PSMD1: variants seen among roughly 807,000 people sequenced by gnomAD.
PSMD1 encodes proteasome 26S subunit, non-ATPase 1, also known as 26S proteasome non-ATPase regulatory subunit 1.
PSMD1 carries 18 observed loss-of-function variants against 119.0 expected under a neutral mutation model. The observed-to-expected ratio is 0.15, with a 90% CI of 0.10 to 0.22. The LOEUF is 0.22. Among genes scored for constraint, PSMD1 ranks in the 10% least tolerant of loss-of-function variants. The pLI is 1.00. For synonymous variants in PSMD1, 374 were observed against 396.6 expected, an observed-to-expected ratio of 0.94 and a Z score of 0.68; for missense variants, 702 against 1,158.5, an observed-to-expected ratio of 0.61 and a Z score of 5.72.
chr2:231,105,060 T>C (rs1268861406), intron 16 of PSMD1, among the ~76,000 whole-genome samples: 1 of 152,198 alleles, frequency 6.6e-6, no homozygotes, highest in Non-Finnish European at 1.5e-5. Flanking sequence ...AACACATATT[T>C]GTAGTTCAAC....
chr2:231,078,865 G>A, intron 10 of PSMD1, 118 bp downstream of exon 10: 1 of 638,002 alleles, frequency 1.6e-6, no homozygotes, highest in Non-Finnish European at 2.5e-6. Flanking sequence ...TGCGATCTCG[G>A]CTCACTGCAA....
chr2:231,156,608 T>C (rs1696512513), intron 19 of PSMD1, among the ~76,000 whole-genome samples: 1 of 152,132 alleles, frequency 6.6e-6, no homozygotes, highest in Non-Finnish European at 1.5e-5. Flanking sequence ...TTTTATAATA[T>C]CCTCTTACTT....
rs1260890132 is a variant in PSMD1, at chr2:231,066,944, A to G, written c.343A>G (p.Asn115Asp). 2 of 1,612,468 alleles carry G rather than the reference A, an allele frequency of 1.2e-6. No homozygotes were observed. Residue 115 changes from asparagine (N) to aspartate (D), a missense_variant, in exon 5 of 25, where the codon AAT (asparagine) becomes GAT (aspartate). Transcript: ENST00000308696. ...TCACTACACCAAACAATGTGTGGAA[A>G]ATGCAGATTTGCCTGAAGGAGAAAA... Reference protein sequence around the residue: ...IDHYTKQCVENADLPEGEKKP... With the variant: ...IDHYTKQCVEDADLPEGEKKP...
At chr2:231,129,332 T>C (rs113227622) in intron 16 of PSMD1, among the ~76,000 whole-genome samples, 1 of 152,216 alleles carries the variant, frequency 6.6e-6, no homozygotes, top group Non-Finnish European at 1.5e-5. Context: ...ACTTTGAATA[T>C]TACAGATTTC....
At chr2:231,099,098 A>G (rs933217802) in intron 16 of PSMD1, among the ~76,000 whole-genome samples, 2 of 152,152 alleles carry the variant, frequency 1.3e-5, no homozygotes, top group African/African-American at 4.8e-5. Context: ...GGAATTTGGA[A>G]TGGGATCTGA....
intron 22 of PSMD1, 39 bp downstream of exon 22, chr2:231,165,325 CT>C: frequency 6.5e-7 from 1 of 1,531,666 alleles, no homozygotes; most frequent in Non-Finnish European, 8.8e-7. Context: ...TGAAGTATCT[CT>C]GTCTCTGTCA....
intron 24 of PSMD1, among the ~76,000 whole-genome samples, chr2:231,171,847 C>T (rs773258132): frequency 1.1e-4 from 16 of 152,038 alleles, no homozygotes; most frequent in African/African-American, 2.4e-4. Context: ...TGAGCCACCA[C>T]GCCCGGCCAA....
rs16827799 is a variant in PSMD1 at position 231,114,359 on chromosome 2, G to A, written c.1884-24377G>A. ...TAGAGGAAACAGTATGACAAAAAGC[G>A]TATTAGAATGGGAGTCTCTGTGACA... is the stretch of plus-strand genomic sequence containing the variant. On this transcript the variant is annotated intron_variant, in intron 16 of 24. Coordinates refer to ENST00000308696, the MANE Select transcript of PSMD1 (RefSeq NM_002807.4). Among the ~76,000 whole-genome samples the A allele has an allele frequency of 9.3e-3, 1,418 of 152,284 alleles. 29 individuals carry two copies. Among genetic ancestry groups the A allele is most frequent in the African/African-American group, 0.032 (1,324 of 41,562 alleles).
intron 18 of PSMD1, among the ~76,000 whole-genome samples, chr2:231,148,515 C>T (rs1391431274): frequency 6.6e-6 from 1 of 152,182 alleles, no homozygotes; most frequent in African/African-American, 2.4e-5. Flanking sequence ...GGCACACTCC[C>T]ATCTTCAGGT....
chr2:231,057,030 T>A lies in PSMD1; in HGVS notation c.5T>A (p.Ile2Asn). The change falls in exon 1 of 25, where the codon ATC becomes AAC. Residue 2 changes from isoleucine to asparagine, a missense_variant. By Grantham distance (149) the Ile-to-Asn change is moderately radical. This residue lies in a region of PSMD1 where 60 missense variants were observed against 118.2 expected (regional missense o/e 0.51). Coordinates refer to ENST00000308696, the MANE Select transcript of PSMD1 (RefSeq NM_002807.4). M[I>N]TSAAGIISLL... ...GGGCGAGTGAGGGGCGCAGCCATGA[T>A]CACCTCGGCCGGTGAGTGCGGCCCG... The A allele has an allele frequency of 6.5e-7, 1 of 1,535,498 alleles. No homozygotes were observed. Among genetic ancestry groups the A allele is most frequent in the Non-Finnish European group, 8.8e-7 (1 of 1,142,628 alleles).
At chr2:231,108,605 A>G in intron 16 of PSMD1, 1 of 1,614,014 alleles carries the variant, frequency 6.2e-7, no homozygotes, top group Non-Finnish European at 8.5e-7. Flanking sequence ...TGAAGACTGA[A>G]TGGTTGAACT....
At chr2:231,168,691 G>A (rs994947712) in intron 23 of PSMD1, among the ~76,000 whole-genome samples, 1 of 152,184 alleles carries the variant, frequency 6.6e-6, no homozygotes, top group African/African-American at 2.4e-5. Context: ...GTTTCTTTAG[G>A]TTGATGCAGA....
intron 16 of PSMD1, chr2:231,123,524 G>A (rs2125233060): frequency 6.2e-7 from 1 of 1,614,058 alleles, no homozygotes; most frequent in South Asian, 1.1e-5. Flanking sequence ...TTCTTCTCCA[G>A]TGAAACAGCC....
At chr2:231,150,070 G>A (rs902397072) in intron 18 of PSMD1, among the ~76,000 whole-genome samples, 1 of 152,204 alleles carries the variant, frequency 6.6e-6, no homozygotes, top group African/African-American at 2.4e-5. Flanking sequence ...TATAGGCCAG[G>A]CGCAGTGGCT....
rs144524204 is a variant in PSMD1 at position 231,061,175 on chromosome 2, G to A, written c.17-92G>A. 570 of 970,768 alleles carry A rather than the reference G, an allele frequency of 5.9e-4. 1 individual carries two copies. The Middle Eastern group carries it at 6.2e-3, about 11-fold the overall frequency. The allele number at this position is 970,768 out of a possible 1,614,324, so 60.1% of individuals were successfully genotyped here. On this transcript the variant is annotated intron_variant, in intron 1 of 24. Transcript: ENST00000308696. ...GGAGAAGTTACGCCTCAAAAAAATT[G>A]TTTTTCAGCCATCATGTATTTTTGA...
intron 23 of PSMD1, among the ~76,000 whole-genome samples, chr2:231,167,580 A>G (rs1696817810): frequency 6.6e-6 from 1 of 152,196 alleles, no homozygotes; most frequent in African/African-American, 2.4e-5. Context: ...ACACACACAC[A>G]CACTCCTTCA....
At position 231,071,615 on chromosome 2, in the gene PSMD1, A is replaced by G. The variant is rs146124180; in HGVS notation, c.655-574A>G. ...TCTTAATTTATAATAACTTTGATTA[A>G]TGTGTTTATTTTGAAGTTGAGTTAC... On this transcript the variant is annotated intron_variant, in intron 6 of 24. Transcript: ENST00000308696. Among the ~76,000 whole-genome samples, 134 of 152,208 alleles carry G rather than the reference A, an allele frequency of 8.8e-4. 1 individual carries two copies. The highest frequency in any genetic ancestry group is 3.0e-3 in the African/African-American group (124 of 41,530).
chr2:231,137,508 G>C (rs1260405736), intron 16 of PSMD1, among the ~76,000 whole-genome samples: 1 of 152,184 alleles, frequency 6.6e-6, no homozygotes, highest in Non-Finnish European at 1.5e-5. Flanking sequence ...CAAAGTCTAG[G>C]AAAGAGCCTA....
intron 17 of PSMD1, 32 bp downstream of exon 17, chr2:231,138,882 T>C (rs1236645780): frequency 1.3e-6 from 2 of 1,505,196 alleles, no homozygotes; most frequent in Admixed American, 1.7e-5. Flanking sequence ...GTCAGTTCTT[T>C]CTTGGCGCCA....
Sources: allele counts gnomAD v4.1 joint callset (sites outside exome capture counted in the v4.1 genomes callset), GRCh38; gene constraint gnomAD v4.1.1; regional missense constraint gnomAD v4.1.1; transcripts MANE v1.5; gene names NCBI Gene and HGNC (gene_info 2026-07-23, HGNC 2026-07-21).